The following SELP variants were observed in gnomAD, a reference collection of about 807,000 sequenced individuals.
The protein encoded by SELP is P-selectin.
Under a neutral mutation model 104.1 loss-of-function variants are expected in SELP, and 92 were observed. That is an observed-to-expected ratio of 0.88 (90% CI 0.75 to 1.05). The LOEUF (loss-of-function observed/expected upper bound fraction) is 1.05, where lower values mean the gene tolerates loss of function less well. Ranked by LOEUF, SELP falls within the 50% of genes least tolerant of loss-of-function variation. The pLI is 0.00. For synonymous variants in SELP, 397 were observed against 364.5 expected (o/e 1.09, Z -1.01); for missense variants, 1,022 against 1,017.3 (o/e 1.00, Z -0.06).
intron 7 of SELP, among the ~76,000 whole-genome samples, chr1:169,609,947 G>T (rs764270857): frequency 2.7e-5 from 4 of 149,720 alleles, no homozygotes; most frequent in Non-Finnish European, 5.9e-5. Flanking sequence ...CTTAACTAAG[G>T]GTAGAAGCCC....
rs558690387 is a variant in SELP, at chr1:169,611,413, A to G, written c.1147+79T>C. 5.1e-5 allele frequency: 73 copies of G among 1,423,812 alleles called. 1 individual carries two copies. In the African/African-American group the frequency reaches 9.3e-4, roughly 18 times the overall value. The allele number at this position is 1,423,812 out of a possible 1,614,324, so 88.2% of individuals were successfully genotyped here. On this transcript the variant is annotated intron_variant, in intron 7 of 16. Transcript: ENST00000263686. Reference sequence around the variant, plus strand: ...CAAGAACTTAGAAGAGATCACCCCGACACTGAGAGCCCTTGGCCTCTCTAC... The same window carrying G: ...CAAGAACTTAGAAGAGATCACCCCGGCACTGAGAGCCCTTGGCCTCTCTAC...
At chr1:169,611,227 A>G (rs1200545102) in intron 7 of SELP, among the ~76,000 whole-genome samples, 1 of 152,134 alleles carries the variant, frequency 6.6e-6, no homozygotes, top group East Asian at 1.9e-4. Context: ...TATACCTCGG[A>G]TATGTCAGTA....
At chr1:169,609,734 G>C (rs767082226) in intron 7 of SELP, 45 bp from the exon 8 acceptor site, 4 of 1,540,162 alleles carry the variant, frequency 2.6e-6, no homozygotes. Context: ...TGGAAGGGCC[G>C]GGTTCTTCCT....
rs545501433 is a variant in SELP at position 169,609,684 on chromosome 1, A to T, written c.1153T>A (p.Ser385Thr). The T allele has an allele frequency of 6.2e-6, 10 of 1,609,122 alleles. No individual in the cohort carries two copies. In the Middle Eastern group the frequency reaches 1.0e-3, roughly 160 times the overall value. The change falls in exon 8 of 17, where the codon TCG becomes ACG. Residue 385 changes from serine (S) to threonine (T), a missense_variant. Transcript: ENST00000263686. Reference sequence around the variant, plus strand: ...ACAGGACTCTCCAGCGGCTCACACGAAATAGCTAAGTGGAAAAGGTATCTT... The same window carrying T: ...ACAGGACTCTCCAGCGGCTCACACGTAATAGCTAAGTGGAAAAGGTATCTT... ...SAPLPTCEAISCEPLESPVHG... is the reference protein window; with the variant it reads ...SAPLPTCEAITCEPLESPVHG...
At chr1:169,600,716 G>T (rs1282694560) in intron 10 of SELP, among the ~76,000 whole-genome samples, 2 of 152,160 alleles carry the variant, frequency 1.3e-5, no homozygotes, top group Admixed American at 1.3e-4. Context: ...TGGGGTTCTA[G>T]GGGGCAGTGC....
chr1:169,617,348 T>C lies in SELP; in HGVS notation c.161A>G (p.Asn54Ser), dbSNP rs768350631. Residue 54 changes from asparagine to serine, a missense_variant, in exon 3 of 17, where the codon AAT (asparagine) becomes AGT (serine). Asn to Ser is a conservative substitution (Grantham distance 46). Coordinates refer to ENST00000263686, the MANE Select transcript of SELP (RefSeq NM_003005.4). Reference sequence around the variant, plus strand: ...ATTCTGGCAGTATTTACGGGAAATATTCCATGAGTATGCTTTTGTGCTGTA... The same window carrying C: ...ATTCTGGCAGTATTTACGGGAAATACTCCATGAGTATGCTTTTGTGCTGTA... Reference protein sequence around the residue: ...YHYSTKAYSWNISRKYCQNRY... With the variant: ...YHYSTKAYSWSISRKYCQNRY... The C allele has an allele frequency of 6.2e-7, 1 of 1,614,156 alleles. No homozygotes were observed. Among genetic ancestry groups the C allele is most frequent in the Non-Finnish European group, 8.5e-7 (1 of 1,180,006 alleles).
At chr1:169,589,718 A>G (rs1240854030) in intron 16 of SELP, 1 of 154,572 alleles carries the variant, frequency 6.5e-6, no homozygotes. Context: ...TTTTTGTAGG[A>G]CACTCAACTA....
chr1:169,607,132 A>G lies in SELP; in HGVS notation c.1336T>C (p.Leu446=). ...WTAPAPVCQA[L]QCQDLPVPNE... ...GGAACTGGGAGATCCTGGCACTGCA[A>G]AGCTAAGGGATGAGGAAGTAAGGAA... The change falls in exon 9 of 17, where the codon TTG becomes CTG. Residue 446 remains leucine (L), a splice_region_variant and synonymous_variant. Transcript: ENST00000263686. 1.3e-6 allele frequency: 2 copies of G among 1,591,878 alleles called. No individual in the cohort carries two copies. The highest frequency in any genetic ancestry group is 1.7e-6 in the Non-Finnish European group (2 of 1,163,164).
rs545947751 is a variant in SELP at position 169,607,096 on chromosome 1, G to A, written c.1372C>T (p.Arg458Trp). 1.3e-5 allele frequency: 21 copies of A among 1,607,046 alleles called. No homozygotes were observed. In the South Asian group the frequency reaches 1.3e-4, roughly 10 times the overall value. The change falls in exon 9 of 17, where the codon CGG (arginine) becomes TGG (tryptophan). Residue 458 changes from arginine (R) to tryptophan (W), a missense_variant. Physicochemically the swap from Arg to Trp is moderately radical, Grantham distance 101 (BLOSUM62 -3). Transcript: ENST00000263686. ...CQDLPVPNEA[R>W]VNCSHPFGAF... ...CCGAAGGGGTGGGAGCAGTTCACCC[G>A]GGCCTCATTTGGAACTGGGAGATCC...
chr1:169,627,308 C>T (rs147085673), intron 1 of SELP, among the ~76,000 whole-genome samples: 89 of 152,240 alleles, frequency 5.8e-4, no homozygotes, highest in Admixed American at 3.5e-3. Context: ...GAGGTTGTCT[C>T]TAAGCCAAAG....
At chr1:169,606,412 A>G (rs1199304706) in intron 9 of SELP, among the ~76,000 whole-genome samples, 1 of 152,218 alleles carries the variant, frequency 6.6e-6, no homozygotes, top group Non-Finnish European at 1.5e-5. Context: ...TCCAGTATAC[A>G]GATTAGTTTT....
chr1:169,603,039 T>A lies in SELP; in HGVS notation c.1692A>T (p.Pro564=). The stretch of plus-strand genomic sequence containing the variant: ...CCCACAGCCTACCTTCACACATTGG[T>A]GGGGAGTCTGTCCAGCGTCCCGATC... ...CTRSGRWTDS[P]PMCEAIKCPE... Residue 564 remains proline, a synonymous_variant, in exon 10 of 17, where the codon CCA becomes CCT. Transcript: ENST00000263686. 3 of 1,613,024 alleles carry A rather than the reference T, an allele frequency of 1.9e-6. No individual in the cohort carries two copies. The highest frequency in any genetic ancestry group is 2.5e-6 in the Non-Finnish European group (3 of 1,179,228).
intron 8 of SELP, among the ~76,000 whole-genome samples, chr1:169,608,811 C>CACTT: frequency 6.6e-6 from 1 of 152,092 alleles, no homozygotes; most frequent in Non-Finnish European, 1.5e-5. Context: ...GTCAATATTA[C>CACTT]ACTTCTGGAA....
intron 7 of SELP, 56 bp from the exon 8 acceptor site, chr1:169,609,745 C>A: frequency 6.6e-7 from 1 of 1,503,862 alleles, no homozygotes; most frequent in South Asian, 1.3e-5. Flanking sequence ...GGTTCTTCCT[C>A]AGAAAAAATT....
intron 1 of SELP, among the ~76,000 whole-genome samples, chr1:169,620,795 TTGTGTGTG>T (rs779947394): frequency 6.3e-5 from 7 of 110,936 alleles, no homozygotes; most frequent in East Asian, 5.4e-4. Context: ...CGGTGTGGGG[TTGTGTGTG>T]TGTGTGTGTG....
rs370987018 is a variant in SELP, at chr1:169,593,663, T to C, written c.2349A>G (p.Ile783Met). 4 of 1,613,414 alleles carry C rather than the reference T, an allele frequency of 2.5e-6. No individual in the cohort carries two copies. The highest frequency in any genetic ancestry group is 1.7e-5 in the Admixed American group (1 of 59,932). Residue 783 changes from isoleucine to methionine, a missense_variant, in exon 14 of 17, where the codon ATA (isoleucine) becomes ATG (methionine). Ile to Met is a conservative substitution (Grantham distance 10). Coordinates refer to ENST00000263686, the MANE Select transcript of SELP (RefSeq NM_003005.4). ...TYFGGAVAST[I>M]GLIMGGTLLA... ...GGAGCGTCCCACCCATTATCAGACC[T>C]ATCGTAGAAGCCACCGCTCCACCAA...
At chr1:169,622,208 T>C (rs959963090) in intron 1 of SELP, among the ~76,000 whole-genome samples, 2 of 152,238 alleles carry the variant, frequency 1.3e-5, no homozygotes, top group Admixed American at 6.5e-5. Flanking sequence ...TTGAATATTG[T>C]AAATGATATT....
Position 169,603,069 on chromosome 1 carries a change from A to G in SELP, c.1662T>C (p.Cys554=), listed in dbSNP as rs1239816491. The change falls in exon 10 of 17, where the codon TGT becomes TGC. Residue 554 remains cysteine (C), a synonymous_variant. Coordinates refer to ENST00000263686, the MANE Select transcript of SELP (RefSeq NM_003005.4). ...AGTCTGTCCAGCGTCCCGATCGAGTACAATCCAATCTTTCTGGTCCAGACA... is the reference window on the plus strand; with the variant it reads ...AGTCTGTCCAGCGTCCCGATCGAGTGCAATCCAATCTTTCTGGTCCAGACA... ...YSLSGPERLD[C]TRSGRWTDSP... The G allele has an allele frequency of 1.2e-6, 2 of 1,614,090 alleles. No homozygotes were observed. Among genetic ancestry groups the G allele is most frequent in the African/African-American group, 1.3e-5 (1 of 75,036 alleles).
chr1:169,605,416 GTTCATTCATTCA>G (rs3917762), intron 9 of SELP, among the ~76,000 whole-genome samples: 36 of 148,438 alleles, frequency 2.4e-4, no homozygotes, highest in African/African-American at 7.2e-4. Context: ...TTGTCCATTT[GTTCATTCATTCA>G]TTCATTCATT....
Sources: allele counts gnomAD v4.1 joint callset (sites outside exome capture counted in the v4.1 genomes callset), GRCh38; gene constraint gnomAD v4.1.1; transcripts MANE v1.5; gene names NCBI Gene and HGNC (gene_info 2026-07-23, HGNC 2026-07-21).